SLC35D4: variants seen among roughly 807,000 people sequenced by gnomAD.
SLC35D4 encodes the protein UDP-N-acetylglucosamine transporter SLC35D4.
the SLC35D4 span, chr18:23,371,464 G>A: frequency 6.3e-7 from 1 of 1,593,568 alleles, no homozygotes; most frequent in Admixed American, 1.8e-5. Context: ...TATCCATCTG[G>A]ATTAAACTGA....
chr18:23,298,375 AAC>A, the SLC35D4 span, among the ~76,000 whole-genome samples: 2 of 152,326 alleles, frequency 1.3e-5, no homozygotes, highest in South Asian at 4.2e-4. Flanking sequence ...CTCTGGCAGA[AAC>A]ACAGACTTCT....
At chr18:23,266,503 A>G in the SLC35D4 span, among the ~76,000 whole-genome samples, 1 of 152,010 alleles carries the variant, frequency 6.6e-6, no homozygotes, top group Non-Finnish European at 1.5e-5. Flanking sequence ...ATACATTCAG[A>G]TTCCATTCCG....
At chr18:23,435,836 C>T in the SLC35D4 span, among the ~76,000 whole-genome samples, 2 of 152,154 alleles carry the variant, frequency 1.3e-5, no homozygotes, top group Non-Finnish European at 2.9e-5. Flanking sequence ...GCTGGGATTA[C>T]AGGTGCCCAC....
chr18:23,359,504 G>C, the SLC35D4 span, among the ~76,000 whole-genome samples: 1 of 152,132 alleles, frequency 6.6e-6, no homozygotes, highest in Non-Finnish European at 1.5e-5. Flanking sequence ...CTGACTCTGA[G>C]TGAGCGAGTG....
chr18:23,321,611 C>A, the SLC35D4 span, among the ~76,000 whole-genome samples: 2 of 152,172 alleles, frequency 1.3e-5, no homozygotes, highest in Non-Finnish European at 2.9e-5. Context: ...TGTGCCACCA[C>A]ACCCAGCTAA....
At chr18:23,254,035 T>A in the SLC35D4 span, 6 of 974,562 alleles carry the variant, frequency 6.2e-6, no homozygotes, top group Non-Finnish European at 9.6e-6. Flanking sequence ...GGAAGGATTC[T>A]GATCCTTAGT....
chr18:23,426,585 A>G, the SLC35D4 span, among the ~76,000 whole-genome samples: 22 of 152,238 alleles, frequency 1.4e-4, no homozygotes, highest in Admixed American at 1.1e-3. Context: ...GAAAATGGCC[A>G]TACAGCCCAA....
the SLC35D4 span, among the ~76,000 whole-genome samples, chr18:23,317,350 A>C: frequency 0.39 from 58,578 of 152,028 alleles, 12,737 homozygotes; most frequent in Admixed American, 0.52. Context: ...AAAATTGCCA[A>C]ACATCACAGA....
At chr18:23,306,977 CTATT>C in the SLC35D4 span, among the ~76,000 whole-genome samples, 19 of 152,308 alleles carry the variant, frequency 1.2e-4, no homozygotes, top group East Asian at 3.7e-3. Context: ...AAGAAATAGA[CTATT>C]TATGTGTGAT....
At chr18:23,285,523 A>G in the SLC35D4 span, among the ~76,000 whole-genome samples, 2 of 152,088 alleles carry the variant, frequency 1.3e-5, no homozygotes, top group Non-Finnish European at 2.9e-5. Context: ...AAATGGGCAA[A>G]TGGTCTGAGG....
chr18:23,428,888 T>C, the SLC35D4 span, among the ~76,000 whole-genome samples: 38 of 152,358 alleles, frequency 2.5e-4, no homozygotes, highest in Non-Finnish European at 4.1e-4. Context: ...TCCATCTTTA[T>C]GTCCATGTGT....
At chr18:23,266,840 G>A in the SLC35D4 span, among the ~76,000 whole-genome samples, 1 of 152,224 alleles carries the variant, frequency 6.6e-6, no homozygotes, top group Non-Finnish European at 1.5e-5. Context: ...CACCCGCCCT[G>A]CAGAGCAGCT....
the SLC35D4 span, among the ~76,000 whole-genome samples, chr18:23,382,626 A>G: frequency 6.6e-6 from 1 of 152,254 alleles, no homozygotes; most frequent in East Asian, 1.9e-4. Flanking sequence ...GTAGATATTC[A>G]ATTAAAATGT....
the SLC35D4 span, among the ~76,000 whole-genome samples, chr18:23,371,945 T>TGTTTTTTTTTG: frequency 1.4e-5 from 1 of 73,344 alleles, no homozygotes; most frequent in Non-Finnish European, 2.6e-5. Context: ...GTTTTTTTTT[T>TGTTTTTTTTTG]TTTTTTTTGA....
the SLC35D4 span, among the ~76,000 whole-genome samples, chr18:23,431,633 C>T: frequency 2.0e-5 from 3 of 151,996 alleles, no homozygotes; most frequent in Non-Finnish European, 4.4e-5. Context: ...TTTTTTCAAA[C>T]CAATTCTGCA....
At chr18:23,349,415 G>T in the SLC35D4 span, among the ~76,000 whole-genome samples, 1 of 152,162 alleles carries the variant, frequency 6.6e-6, no homozygotes, top group Non-Finnish European at 1.5e-5. Flanking sequence ...GGTGGATCAC[G>T]AGGTCAGATA....
chr18:23,276,140 T>G, the SLC35D4 span, among the ~76,000 whole-genome samples: 797 of 151,296 alleles, frequency 5.3e-3, 4 homozygotes, highest in Middle Eastern at 0.021. Flanking sequence ...CAGCCTGGAG[T>G]GCAGTGGCGC....
the SLC35D4 span, among the ~76,000 whole-genome samples, chr18:23,387,159 G>T: frequency 6.6e-6 from 1 of 152,120 alleles, no homozygotes; most frequent in Admixed American, 6.5e-5. Context: ...TGATCCACCT[G>T]CCTTGGCCTC....
At chr18:23,411,498 A>AAAGG in the SLC35D4 span, among the ~76,000 whole-genome samples, 1 of 138,364 alleles carries the variant, frequency 7.2e-6, no homozygotes, top group Non-Finnish European at 1.6e-5. Context: ...AGAAAGAAAG[A>AAAGG]AAGAAAGAAA....
Sources: gnomAD v4.1 joint callset for allele counts (sites outside exome capture counted in the v4.1 genomes callset) on GRCh38, gnomAD v4.1.1 for gene constraint, MANE v1.5 for transcripts, NCBI Gene and HGNC (gene_info 2026-07-23, HGNC 2026-07-21) for gene names.